Variants in FER1L6 observed in about 807,000 individuals in gnomAD.
FER1L6 encodes fer-1-like protein 6.
A neutral mutation model predicts 219.2 loss-of-function variants in FER1L6; 177 were observed. That is an observed-to-expected ratio of 0.81 (90% CI 0.71 to 0.91). The LOEUF (loss-of-function observed/expected upper bound fraction) is 0.91. FER1L6 is among the 40% of genes least tolerant of loss of function. The pLI, the probability that FER1L6 is intolerant of heterozygous loss-of-function variation, is 0.00. For synonymous variants in FER1L6, 768 were observed against 824.3 expected (o/e 0.93, Z 1.17); for missense variants, 2,153 against 2,259.9 (o/e 0.95, Z 0.96).
rs1032492093 is a variant in FER1L6 at position 123,980,918 on chromosome 8, C to T, written c.1410+107C>T. 5.0e-6 allele frequency: 5 copies of T among 1,002,294 alleles called. No individual in the cohort carries two copies. The African/African-American group carries it at 6.5e-5, about 13-fold the overall frequency. 62.1% of individuals were successfully genotyped at this position (1,002,294 alleles called of 1,614,324 possible). A position where few individuals can be genotyped will look rare whatever the true frequency, so the allele number is the denominator to read the frequency against. The stretch of plus-strand genomic sequence containing the variant: ...GTGTTGTCAGAATATGTCTTATTCC[C>T]TCTGAAAAATTTGTGTTGGCCCAGC... On this transcript the variant is annotated intron_variant, in intron 11 of 40. Transcript: ENST00000522917.
Position 124,064,572 on chromosome 8 carries a change from A to C in FER1L6, c.3554A>C (p.Lys1185Thr), listed in dbSNP as rs1466617430. 6.2e-6 allele frequency: 10 copies of C among 1,610,390 alleles called. No homozygotes were observed. The highest frequency in any genetic ancestry group is 8.5e-6 in the Non-Finnish European group (10 of 1,179,028). The change falls in exon 26 of 41, where the codon AAG becomes ACG. Residue 1185 changes from lysine to threonine, a missense_variant and splice_region_variant. By Grantham distance (78) the Lys-to-Thr change is moderately conservative. Transcript: ENST00000522917. Reference sequence around the variant, plus strand: ...GAGCCACCAAAAGATGGAAAACCTAAGGTCAGACTAAAATCCCTCTCTATA... The same window carrying C: ...GAGCCACCAAAAGATGGAAAACCTACGGTCAGACTAAAATCCCTCTCTATA... ...AQEPPKDGKPKDPRKPSRRST... is the reference protein window; with the variant it reads ...AQEPPKDGKPTDPRKPSRRST...
chr8:123,979,254 C>T (rs186422097), intron 10 of FER1L6, among the ~76,000 whole-genome samples: 4 of 152,134 alleles, frequency 2.6e-5, no homozygotes, highest in Non-Finnish European at 5.9e-5. Flanking sequence ...TAAGGGCCTG[C>T]GTGAAGCACT....
rs75949667 is a variant in FER1L6, at chr8:123,852,930, A to G, written c.-8+745A>G. On this transcript the variant is annotated intron_variant, in intron 1 of 40. Coordinates refer to ENST00000522917, the MANE Select transcript of FER1L6 (RefSeq NM_001039112.2). The surrounding 1 kb of genome is among the most constrained non-coding windows in gnomAD (Gnocchi z 4.9). Reference sequence around the variant, plus strand: ...GGCAAATGTAATCATCCCTAAGGTTATATATCATATATCATATATGAAATA... The same window carrying G: ...GGCAAATGTAATCATCCCTAAGGTTGTATATCATATATCATATATGAAATA... Among the ~76,000 whole-genome samples the G allele has an allele frequency of 0.042, 6,418 of 152,246 alleles. 483 individuals are homozygous for G. Among genetic ancestry groups the G allele is most frequent in the African/African-American group, 0.15 (6,066 of 41,526 alleles).
intron 2 of FER1L6, among the ~76,000 whole-genome samples, chr8:123,959,829 A>G (rs571539312): frequency 6.2e-4 from 94 of 152,336 alleles, no homozygotes; most frequent in African/African-American, 2.2e-3. Flanking sequence ...TCCATGGAAC[A>G]TAAAACAGTG....
At chr8:123,937,866 A>T (rs1411389074) in intron 1 of FER1L6, among the ~76,000 whole-genome samples, 2 of 152,134 alleles carry the variant, frequency 1.3e-5, no homozygotes, top group Non-Finnish European at 2.9e-5. Flanking sequence ...AAAGAAAAAA[A>T]CCCCAAGAGA....
At chr8:123,949,023 G>A (rs984078465) in intron 1 of FER1L6, among the ~76,000 whole-genome samples, 1 of 152,164 alleles carries the variant, frequency 6.6e-6, no homozygotes, top group African/African-American at 2.4e-5. Flanking sequence ...ACAGAGGAGG[G>A]AATGCATGGG....
chr8:123,908,358 A>G (rs967874425), intron 1 of FER1L6, among the ~76,000 whole-genome samples: 2 of 152,184 alleles, frequency 1.3e-5, no homozygotes, highest in Admixed American at 6.5e-5. Flanking sequence ...TGGGAGTGGT[A>G]TTGATTCAGG....
chr8:124,027,748 T>G (rs7007596), intron 18 of FER1L6, among the ~76,000 whole-genome samples: 89,974 of 151,948 alleles, frequency 0.59, 27,155 homozygotes, highest in African/African-American at 0.67. Context: ...CATAGAGATG[T>G]GATCTTACTA....
At position 123,946,754 on chromosome 8, in the gene FER1L6, C is replaced by A. The variant is rs182213880; in HGVS notation, c.-7-9238C>A. Among the ~76,000 whole-genome samples the A allele has an allele frequency of 3.2e-3, 482 of 152,220 alleles. 1 individual carries two copies. The highest frequency in any genetic ancestry group is 0.011 in the African/African-American group (456 of 41,520). On this transcript the variant is annotated intron_variant, in intron 1 of 40. Coordinates refer to ENST00000522917, the MANE Select transcript of FER1L6 (RefSeq NM_001039112.2). ...CACATCTGAACCCTTGTTGCAGACA[C>A]CTGGGCTTAATTATTATAATCTCTC...
At chr8:124,104,397 G>A (rs1378352330) in intron 39 of FER1L6, among the ~76,000 whole-genome samples, 1 of 152,180 alleles carries the variant, frequency 6.6e-6, no homozygotes, top group Non-Finnish European at 1.5e-5. Context: ...AATCATGCGT[G>A]GAATAACCAA....
At chr8:124,072,205 C>A (rs1259824451) in intron 31 of FER1L6, among the ~76,000 whole-genome samples, 2 of 152,200 alleles carry the variant, frequency 1.3e-5, no homozygotes, top group Non-Finnish European at 2.9e-5. Context: ...CAAGGCAGAA[C>A]AGGGCAGCTG....
intron 38 of FER1L6, among the ~76,000 whole-genome samples, chr8:124,102,057 C>T (rs1822570735): frequency 6.6e-6 from 1 of 152,128 alleles, no homozygotes; most frequent in African/African-American, 2.4e-5. Flanking sequence ...TTTTTTCATG[C>T]ATATGAAGCC....
intron 24 of FER1L6, among the ~76,000 whole-genome samples, chr8:124,060,989 C>A (rs1217524859): frequency 1.3e-5 from 2 of 152,130 alleles, no homozygotes; most frequent in Admixed American, 1.3e-4. Context: ...CACCTGAGAA[C>A]TTGTTAGAAA....
At chr8:123,904,988 A>G (rs1417930089) in intron 1 of FER1L6, among the ~76,000 whole-genome samples, 1 of 152,204 alleles carries the variant, frequency 6.6e-6, no homozygotes, top group African/African-American at 2.4e-5. Context: ...TTTTTTCTAG[A>G]GAGCTGGTTT....
intron 2 of FER1L6, among the ~76,000 whole-genome samples, chr8:123,958,976 A>C (rs1815149594): frequency 6.6e-6 from 1 of 151,986 alleles, no homozygotes; most frequent in Non-Finnish European, 1.5e-5. Context: ...GCAGGCAGTA[A>C]GCGTGGGCAG....
At chr8:124,092,031 A>ATAAT (rs1259781310) in intron 34 of FER1L6, among the ~76,000 whole-genome samples, 1 of 152,132 alleles carries the variant, frequency 6.6e-6, no homozygotes, top group Non-Finnish European at 1.5e-5. Context: ...AGTAAGGAGA[A>ATAAT]TAATGAATAT....
intron 12 of FER1L6, among the ~76,000 whole-genome samples, chr8:123,999,826 A>AAGG (rs1190328043): frequency 6.6e-6 from 1 of 152,146 alleles, no homozygotes; most frequent in East Asian, 1.9e-4. Flanking sequence ...AAGCAGAGGG[A>AAGG]AGGAGTCCCT....
intron 22 of FER1L6, among the ~76,000 whole-genome samples, chr8:124,051,663 ATG>A (rs1820036322): frequency 6.6e-6 from 1 of 152,226 alleles, no homozygotes; most frequent in Non-Finnish European, 1.5e-5. Flanking sequence ...CTTGCTCAAT[ATG>A]GCGAGTGAGA....
chr8:123,929,963 A>G (rs1586478050), intron 1 of FER1L6, among the ~76,000 whole-genome samples: 1 of 123,170 alleles, frequency 8.1e-6, no homozygotes, highest in Admixed American at 8.2e-5. Context: ...ACTAGATGGC[A>G]CTGTTTTTTT....
Sources: allele counts gnomAD v4.1 joint callset (sites outside exome capture counted in the v4.1 genomes callset), GRCh38; gene constraint gnomAD v4.1.1; non-coding constraint Gnocchi (gnomAD v3.1); transcripts MANE v1.5; gene names NCBI Gene and HGNC (gene_info 2026-07-23, HGNC 2026-07-21).